The following ABCC3 variants were observed in gnomAD, a reference collection of about 807,000 sequenced individuals.
The protein encoded by ABCC3 is ATP binding cassette subfamily C member 3.
Under a neutral mutation model 165.3 loss-of-function variants are expected in ABCC3, and 121 were observed. The observed-to-expected ratio is 0.73, with a 90% CI of 0.63 to 0.85. The LOEUF (loss-of-function observed/expected upper bound fraction) is 0.85, where lower values mean the gene tolerates loss of function less well. Ranked by LOEUF, ABCC3 falls within the 40% of genes least tolerant of loss-of-function variation. The pLI is 0.00. For missense variants in ABCC3, 1,869 were observed against 1,964.1 expected, an observed-to-expected ratio of 0.95 and a Z score of 0.92; for synonymous variants, 733 against 810.1, an observed-to-expected ratio of 0.90 and a Z score of 1.62.
chr17:50,689,725 C>A (rs1236846130), intron 30 of ABCC3, among the ~76,000 whole-genome samples: 1 of 152,148 alleles, frequency 6.6e-6, no homozygotes, highest in Non-Finnish European at 1.5e-5. Context: ...CCCTCACCCC[C>A]CACTCCCATT....
At chr17:50,657,609 G>A (rs1967279857) in intron 4 of ABCC3, among the ~76,000 whole-genome samples, 1 of 152,220 alleles carries the variant, frequency 6.6e-6, no homozygotes, top group South Asian at 2.1e-4. Context: ...TTCAGTGGCT[G>A]TGATGTTGGG....
intron 20 of ABCC3, 45 bp from the exon 21 acceptor site, chr17:50,675,586 G>A (rs1410485747): frequency 1.2e-5 from 18 of 1,560,468 alleles, no homozygotes; most frequent in Non-Finnish European, 1.6e-5. Flanking sequence ...TGTCCTGGGG[G>A]GTGCTTGAGG....
chr17:50,646,040 G>T (rs1337679008), intron 1 of ABCC3, among the ~76,000 whole-genome samples: 1 of 152,106 alleles, frequency 6.6e-6, no homozygotes, highest in East Asian at 1.9e-4. Context: ...AAAGATGAGA[G>T]AAAATATAAT....
chr17:50,675,740 G>A lies in ABCC3; in HGVS notation c.2824G>A (p.Ala942Thr). The part of the protein sequence containing the change: ...VQVTEAKADG[A>T]LTQEEKAAIG... ...GGTGACAGAGGCGAAGGCAGATGGG[G>A]CACTGACCCAGGAGGAGAAAGCAGC... Residue 942 changes from alanine (A) to threonine (T), a missense_variant, in exon 21 of 31, where the codon GCA becomes ACA. Transcript: ENST00000285238. 6.4e-7 allele frequency: 1 copy of A among 1,563,366 alleles called. No individual in the cohort carries two copies. The highest frequency in any genetic ancestry group is 1.2e-5 in the South Asian group (1 of 85,214).
chr17:50,663,840 G>A lies in ABCC3; in HGVS notation c.1158G>A (p.Met386Ile). 2 of 1,614,198 alleles carry A rather than the reference G, an allele frequency of 1.2e-6. No individual in the cohort carries two copies. The highest frequency in any genetic ancestry group is 1.7e-6 in the Non-Finnish European group (2 of 1,180,036). The change falls in exon 9 of 31, where the codon ATG becomes ATA. Residue 386 changes from methionine (M) to isoleucine (I), a missense_variant. Transcript: ENST00000285238. ...VTGVKFRTGI[M>I]GVIYRKALVI... Reference sequence around the variant, plus strand: ...GGGTGAAGTTTCGTACTGGGATCATGGGTGTCATCTACAGGAAGGTCAGCT... The same window carrying A: ...GGGTGAAGTTTCGTACTGGGATCATAGGTGTCATCTACAGGAAGGTCAGCT...
chr17:50,673,962 T>TTCTTTCTTTCTTTC lies in ABCC3; in HGVS notation c.2599+306_2599+319dup, dbSNP rs1555595418. ...TTTCTTTCTTTCTTTCTTTCTTTCTTTCTTTCTTTCTTTCTTTCTCTCTCT... is the reference window on the plus strand; with the variant it reads ...TTTCTTTCTTTCTTTCTTTCTTTCTTTCTTTCTTTCTTTCTCTTTCTTTCTTTCTTTCTCTCTCT... On this transcript the variant is annotated intron_variant, in intron 19 of 30. Transcript: ENST00000285238. Among the ~76,000 whole-genome samples the TTCTTTCTTTCTTTC allele has an allele frequency of 2.7e-3, 55 of 20,726 alleles. 5 individuals carry two copies. The highest frequency in any genetic ancestry group is 5.1e-3 in the Admixed American group (7 of 1,382). The allele number at this position is 20,726 out of a possible 152,430, so 13.6% of individuals were successfully genotyped here.
intron 1 of ABCC3, among the ~76,000 whole-genome samples, chr17:50,637,937 G>A (rs578144551): frequency 6.6e-6 from 1 of 152,318 alleles, no homozygotes; most frequent in African/African-American, 2.4e-5. Context: ...TCTGAGGGTA[G>A]GAGACTGGAG....
In ABCC3 at chr17:50,683,974, C is replaced by G. The variant is rs1188723457; in HGVS notation, c.3980C>G (p.Ala1327Gly). ...GTGGGGATCGTGGGCCGCACTGGGGCTGGCAAGTCTTCCATGACCCTTTGC... is the reference window on the plus strand; with the variant it reads ...GTGGGGATCGTGGGCCGCACTGGGGGTGGCAAGTCTTCCATGACCCTTTGC... ...EKVGIVGRTG[A>G]GKSSMTLCLF... Residue 1327 changes from alanine to glycine, a missense_variant, in exon 28 of 31, where the codon GCT becomes GGT. Physicochemically the swap from Ala to Gly is moderately conservative, Grantham distance 60. Transcript: ENST00000285238. The G allele has an allele frequency of 2.5e-6, 4 of 1,613,300 alleles. No individual in the cohort carries two copies. Among genetic ancestry groups the G allele is most frequent in the Non-Finnish European group, 3.4e-6 (4 of 1,179,712 alleles).
chr17:50,665,315 T>A, intron 11 of ABCC3, 70 bp downstream of exon 11: 1 of 1,441,778 alleles, frequency 6.9e-7, no homozygotes, highest in Non-Finnish European at 9.7e-7. Flanking sequence ...AGGTGTCCAC[T>A]AACCTTGGGG....
chr17:50,647,268 C>T (rs762616193), intron 1 of ABCC3, among the ~76,000 whole-genome samples: 31 of 152,208 alleles, frequency 2.0e-4, no homozygotes, highest in Admixed American at 3.3e-4. Context: ...AGCTACTATG[C>T]TTCCATCAAG....
intron 1 of ABCC3, among the ~76,000 whole-genome samples, chr17:50,650,342 A>G (rs984401524): frequency 2.0e-5 from 3 of 152,132 alleles, no homozygotes; most frequent in African/African-American, 7.2e-5. Context: ...CCTGACCTCA[A>G]GTGATCCACC....
At position 50,668,574 on chromosome 17, in the gene ABCC3, T is replaced by G. The variant is rs981153624; in HGVS notation, c.1870+57T>G. The G allele has an allele frequency of 2.1e-6, 3 of 1,401,248 alleles. No individual in the cohort carries two copies. In the African/African-American group the frequency reaches 4.3e-5, roughly 20 times the overall value. 86.8% of individuals were successfully genotyped at this position (1,401,248 alleles called of 1,614,324 possible). A position where few individuals can be genotyped will look rare whatever the true frequency, so the allele number is the denominator to read the frequency against. ...CCAGTCCTTGCTCCAGAAAAACCTC[T>G]GTTTCAAGCTTTTCCTTTGTTCTCT... is the stretch of plus-strand genomic sequence containing the variant. On this transcript the variant is annotated intron_variant, in intron 14 of 30. Coordinates refer to ENST00000285238, the MANE Select transcript of ABCC3 (RefSeq NM_003786.4).
chr17:50,662,808 G>T (rs891887499), intron 8 of ABCC3, among the ~76,000 whole-genome samples: 6 of 152,124 alleles, frequency 3.9e-5, no homozygotes, highest in African/African-American at 1.4e-4. Flanking sequence ...TATCACAGAA[G>T]GGGAGGCCTG....
intron 30 of ABCC3, among the ~76,000 whole-genome samples, chr17:50,688,189 C>T (rs1043354345): frequency 1.3e-5 from 2 of 152,106 alleles, no homozygotes; most frequent in African/African-American, 4.8e-5. Context: ...GGATTACAGG[C>T]GTGAGCCACT....
At chr17:50,635,711 G>A in intron 1 of ABCC3, 1 of 646,518 alleles carries the variant, frequency 1.5e-6, no homozygotes, top group Non-Finnish European at 2.8e-6. Flanking sequence ...AATGAAGGCA[G>A]AGCTGGGATA....
At chr17:50,647,895 C>T (rs568530205) in intron 1 of ABCC3, among the ~76,000 whole-genome samples, 18 of 152,126 alleles carry the variant, frequency 1.2e-4, no homozygotes, top group Middle Eastern at 3.4e-3. Flanking sequence ...AAAAATTGGC[C>T]GGGCGTGGTG....
chr17:50,678,093 G>T lies in ABCC3; in HGVS notation c.3579G>T (p.Arg1193=), dbSNP rs1306136823. 1 of 1,605,984 alleles carries T rather than the reference G, an allele frequency of 6.2e-7. No individual in the cohort carries two copies. Among genetic ancestry groups the T allele is most frequent in the South Asian group, 1.1e-5 (1 of 90,382 alleles). ...TTCCTCCTCATCTGATCCCCCATAG[G>T]TGGCTGAGCATCGGAGTGGAGTTCG... The part of the protein sequence containing the change: ...RSCYPYIISN[R]WLSIGVEFVG... Residue 1193 remains arginine, a splice_region_variant and synonymous_variant, in exon 25 of 31, where the codon CGG becomes CGT. Coordinates refer to ENST00000285238, the MANE Select transcript of ABCC3 (RefSeq NM_003786.4).
chr17:50,668,077 C>A, intron 13 of ABCC3, 68 bp downstream of exon 13: 1 of 1,377,552 alleles, frequency 7.3e-7, no homozygotes, highest in Non-Finnish European at 1.0e-6. Context: ...GGAAGGGTCA[C>A]TTAGGGCAAG....
At chr17:50,689,561 A>G (rs565335771) in intron 30 of ABCC3, among the ~76,000 whole-genome samples, 141 of 152,300 alleles carry the variant, frequency 9.3e-4, no homozygotes, top group Non-Finnish European at 1.8e-3. Flanking sequence ...CACTCAAGAA[A>G]CACTTGCAGG....
Sources: allele counts gnomAD v4.1 joint callset (sites outside exome capture counted in the v4.1 genomes callset), GRCh38; gene constraint gnomAD v4.1.1; transcripts MANE v1.5; gene names NCBI Gene and HGNC (gene_info 2026-07-23, HGNC 2026-07-21).